MYOM1: variants seen among roughly 807,000 people sequenced by gnomAD.
MYOM1 encodes the protein myomesin-1.
Under a neutral mutation model 205.3 loss-of-function variants are expected in MYOM1, and 164 were observed. The ratio of observed to expected loss-of-function variants is 0.80; its 90% CI spans 0.70 to 0.91. MYOM1 has a LOEUF of 0.91. Among genes scored for constraint, MYOM1 ranks in the 40% least tolerant of loss-of-function variants. The pLI, the probability that MYOM1 is intolerant of heterozygous loss-of-function variation, is 0.00. For synonymous variants in MYOM1, 772 were observed against 789.4 expected, an observed-to-expected ratio of 0.98 and a Z score of 0.37; for missense variants, 2,011 against 2,127.3, an observed-to-expected ratio of 0.95 and a Z score of 1.08.
In MYOM1 at chr18:3,126,958, C is replaced by T. The variant is rs1164705283; in HGVS notation, c.2795-61G>A. The T allele has an allele frequency of 1.0e-5, 15 of 1,447,162 alleles. 1 individual carries two copies. In the East Asian group the frequency reaches 3.2e-4, roughly 31 times the overall value. 89.6% of individuals were successfully genotyped at this position (1,447,162 alleles called of 1,614,324 possible). On this transcript the variant is annotated intron_variant, in intron 18 of 37. Coordinates refer to ENST00000356443, the MANE Select transcript of MYOM1 (RefSeq NM_003803.4). ...ATGCATTTATGATTCTATATATAAA[C>T]ATTTCCATGGGTGCCACATATGAGG...
intron 19 of MYOM1, among the ~76,000 whole-genome samples, chr18:3,121,664 C>A (rs921231391): frequency 1.3e-5 from 2 of 152,124 alleles, no homozygotes; most frequent in Non-Finnish European, 2.9e-5. Flanking sequence ...CCTTCTGTTT[C>A]TGAGACAAGA....
chr18:3,087,025 C>A (rs1318093406), intron 29 of MYOM1, among the ~76,000 whole-genome samples: 4 of 152,286 alleles, frequency 2.6e-5, no homozygotes, highest in Non-Finnish European at 5.9e-5. Context: ...AACATAGGAA[C>A]CACCCTGGCA....
At chr18:3,220,092 T>C (rs1429920591), upstream of MYOM1, 1 of 152,244 alleles carries the variant, frequency 6.6e-6, no homozygotes, top group East Asian at 1.9e-4. Flanking sequence ...GCCTTAGTAA[T>C]ATAATTGCAT....
At chr18:3,157,094 C>T (rs1000317404) in intron 10 of MYOM1, among the ~76,000 whole-genome samples, 1 of 152,162 alleles carries the variant, frequency 6.6e-6, no homozygotes, top group Non-Finnish European at 1.5e-5. Context: ...CTAGCCATGT[C>T]CTTTTGCTAA....
At position 3,089,544 on chromosome 18, in the gene MYOM1, C is replaced by T; in HGVS notation, c.4062G>A (p.Arg1354=). The T allele has an allele frequency of 6.2e-7, 1 of 1,607,142 alleles. No individual in the cohort carries two copies. Among genetic ancestry groups the T allele is most frequent in the East Asian group, 2.2e-5 (1 of 44,714 alleles). ...TCCACGGCCTATTTTTACCTTGTTT[C>T]CTGATCCATTCTTGCCGCTGGAATT... ...EAEFQRQEWI[R]KQGPHFVEYL... Residue 1354 remains arginine, a synonymous_variant, in exon 28 of 38, where the codon AGG becomes AGA. Transcript: ENST00000356443.
At chr18:3,217,868 T>C (rs1460948051) in intron 1 of MYOM1, among the ~76,000 whole-genome samples, 1 of 152,066 alleles carries the variant, frequency 6.6e-6, no homozygotes, top group Non-Finnish European at 1.5e-5. Context: ...GTCCTAGAAC[T>C]GAACCCTGGA....
intron 2 of MYOM1, among the ~76,000 whole-genome samples, chr18:3,204,378 G>A (rs1367205917): frequency 2.6e-5 from 4 of 151,810 alleles, no homozygotes; most frequent in Admixed American, 2.0e-4. Context: ...AGTTCAGCAA[G>A]GTCATAGGAT....
In MYOM1 at chr18:3,171,631, G is replaced by A. The variant is rs56987298; in HGVS notation, c.1174+2307C>T. On this transcript the variant is annotated intron_variant, in intron 8 of 37. Coordinates refer to ENST00000356443, the MANE Select transcript of MYOM1 (RefSeq NM_003803.4). ...AGGGCAGGGGTTGGCAAGTCTGTGG[G>A]GCAAATCTAGGATGTCTCTTGTTTA... 3.6e-3 allele frequency among the ~76,000 whole-genome samples: 547 copies of A among 151,794 alleles called. 1 individual carries two copies. The highest frequency in any genetic ancestry group is 0.013 in the African/African-American group (526 of 41,350).
At chr18:3,076,559 A>G (rs967872207) in intron 34 of MYOM1, among the ~76,000 whole-genome samples, 2 of 152,150 alleles carry the variant, frequency 1.3e-5, no homozygotes, top group Non-Finnish European at 2.9e-5. Flanking sequence ...CTGTAATCAC[A>G]GAGGGTGCTG....
Position 3,126,780 on chromosome 18 carries a change from T to G in MYOM1, c.2912A>C (p.Asn971Thr), listed in dbSNP as rs757063986. ...GGAEITGYYV[N>T]YREVIDGVPG... ...TACCCCATCAATGACCTCGCGATAG[T>G]TCACATAATAGCCAGTAATTTCTGC... The change falls in exon 19 of 38, where the codon AAC (asparagine) becomes ACC (threonine). Residue 971 changes from asparagine to threonine, a missense_variant. Physicochemically the swap from Asn to Thr is moderately conservative, Grantham distance 65. Transcript: ENST00000356443. 1.2e-6 allele frequency: 2 copies of G among 1,613,930 alleles called. No individual in the cohort carries two copies. The highest frequency in any genetic ancestry group is 2.2e-5 in the East Asian group (1 of 44,878).
intron 22 of MYOM1, 42 bp downstream of exon 22, chr18:3,112,256 T>G (rs1168698519): frequency 1.8e-5 from 28 of 1,558,542 alleles, no homozygotes; most frequent in Non-Finnish European, 2.5e-5. Flanking sequence ...TTCAGTATCT[T>G]ACACAGATAG....
chr18:3,151,473 T>TAAAATAAATAAAATA (rs71366642), intron 12 of MYOM1, among the ~76,000 whole-genome samples: 1 of 143,928 alleles, frequency 6.9e-6, no homozygotes, highest in Non-Finnish European at 1.5e-5. Context: ...TAAAATAAAA[T>TAAAATAAATAAAATA]AAATAAAATA....
chr18:3,234,117 T>C, the MYOM1 span, among the ~76,000 whole-genome samples: 3 of 152,160 alleles, frequency 2.0e-5, no homozygotes, highest in African/African-American at 7.2e-5. Context: ...GCAGCTAATG[T>C]TAATGAGAGA....
chr18:3,204,134 T>A lies in MYOM1; in HGVS notation c.291-10176A>T, dbSNP rs1350157041. 7.9e-5 allele frequency among the ~76,000 whole-genome samples: 12 copies of A among 152,116 alleles called. No individual in the cohort carries two copies. The South Asian group carries it at 2.5e-3, about 31-fold the overall frequency. On this transcript the variant is annotated intron_variant, in intron 2 of 37. Transcript: ENST00000356443. ...TGATAAAGGCCATCTACGAAAAATC[T>A]ACACCTAATGTCATACTTAATGGTA...
At chr18:3,207,066 T>A (rs1174943887) in intron 2 of MYOM1, among the ~76,000 whole-genome samples, 1 of 152,208 alleles carries the variant, frequency 6.6e-6, no homozygotes, top group Non-Finnish European at 1.5e-5. Context: ...ATTGCTTTAT[T>A]TTTTCCATGA....
chr18:3,140,689 A>G (rs1307398948), intron 14 of MYOM1, among the ~76,000 whole-genome samples: 3 of 152,182 alleles, frequency 2.0e-5, no homozygotes, highest in Non-Finnish European at 4.4e-5. Flanking sequence ...TTCTCTTGCA[A>G]TAATTATCAG....
At chr18:3,105,685 T>C (rs2079442754) in intron 22 of MYOM1, among the ~76,000 whole-genome samples, 1 of 152,048 alleles carries the variant, frequency 6.6e-6, no homozygotes, top group Non-Finnish European at 1.5e-5. Flanking sequence ...TGAAACCCTG[T>C]CTCTATTAAA....
At chr18:3,241,703 G>T in the MYOM1 span, among the ~76,000 whole-genome samples, 1 of 152,218 alleles carries the variant, frequency 6.6e-6, no homozygotes, top group South Asian at 2.1e-4. Flanking sequence ...ACAGAGTGAT[G>T]GATACACCGA....
intron 10 of MYOM1, among the ~76,000 whole-genome samples, chr18:3,155,485 A>G (rs531549330): frequency 1.1e-4 from 16 of 152,170 alleles, no homozygotes; most frequent in Non-Finnish European, 2.1e-4. Flanking sequence ...CGGCCTCCCA[A>G]AGTGCTGGGA....
Sources: gnomAD v4.1 joint callset for allele counts (sites outside exome capture counted in the v4.1 genomes callset) on GRCh38, gnomAD v4.1.1 for gene constraint, MANE v1.5 for transcripts, NCBI Gene and HGNC (gene_info 2026-07-23, HGNC 2026-07-21) for gene names.